PEX5L: variants seen among roughly 807,000 people sequenced by gnomAD.
PEX5L encodes the protein PEX5-related protein.
A neutral mutation model predicts 84.0 loss-of-function variants in PEX5L; 30 were observed. The ratio of observed to expected loss-of-function variants is 0.36; its 90% CI spans 0.27 to 0.48. The LOEUF is 0.48. PEX5L is among the 20% of genes least tolerant of loss of function. PEX5L has a pLI of 0.99. For missense variants in PEX5L, 533 were observed against 754.6 expected (o/e 0.71, Z 3.44); for synonymous variants, 270 against 283.1 (o/e 0.95, Z 0.46).
At chr3:179,885,084 G>A (rs1414935212) in intron 4 of PEX5L, among the ~76,000 whole-genome samples, 1 of 151,996 alleles carries the variant, frequency 6.6e-6, no homozygotes, top group East Asian at 1.9e-4. Context: ...TCAAATAAGA[G>A]TCTTTCTTCA....
intron 7 of PEX5L, among the ~76,000 whole-genome samples, chr3:179,867,005 G>A (rs1448718291): frequency 7.9e-6 from 1 of 127,028 alleles, no homozygotes; most frequent in Non-Finnish European, 1.6e-5. Context: ...CAGCCTGGGT[G>A]ACAGAGCAAG....
chr3:179,872,449 T>G (rs1750705646), intron 7 of PEX5L, among the ~76,000 whole-genome samples: 1 of 152,240 alleles, frequency 6.6e-6, no homozygotes, highest in Non-Finnish European at 1.5e-5. Flanking sequence ...CTAAAAGGAT[T>G]CATTAAGATT....
At chr3:180,029,350 G>A (rs755589103) in intron 1 of PEX5L, among the ~76,000 whole-genome samples, 1 of 151,894 alleles carries the variant, frequency 6.6e-6, no homozygotes, top group Non-Finnish European at 1.5e-5. Flanking sequence ...CAAACGAATT[G>A]TTTTGAGAAC....
intron 2 of PEX5L, among the ~76,000 whole-genome samples, chr3:179,944,491 A>G (rs1776988115): frequency 6.6e-6 from 1 of 152,222 alleles, no homozygotes. Context: ...CGAGGAATAA[A>G]CGAAATGCCT....
intron 1 of PEX5L, among the ~76,000 whole-genome samples, chr3:179,980,320 T>C (rs576883233): frequency 1.4e-5 from 2 of 147,876 alleles, no homozygotes; most frequent in Middle Eastern, 3.5e-3. Flanking sequence ...ATTATTATTA[T>C]TATTTAGATT....
chr3:179,855,446 G>A (rs1743565801), intron 8 of PEX5L, among the ~76,000 whole-genome samples: 1 of 152,128 alleles, frequency 6.6e-6, no homozygotes, highest in Non-Finnish European at 1.5e-5. Context: ...TAGTGTCCAT[G>A]ACTTACAACT....
At chr3:179,809,400 T>C in intron 12 of PEX5L, 71 bp downstream of exon 12, 3 of 1,127,032 alleles carry the variant, frequency 2.7e-6, no homozygotes, top group Non-Finnish European at 4.1e-6. Flanking sequence ...TGAGGCTCAT[T>C]AGTTGCCCTT....
At chr3:179,814,507 C>T (rs1725276032) in intron 10 of PEX5L, among the ~76,000 whole-genome samples, 1 of 152,188 alleles carries the variant, frequency 6.6e-6, no homozygotes, top group Non-Finnish European at 1.5e-5. Flanking sequence ...AACCACTATT[C>T]TACATTGCAT....
chr3:179,989,550 GTAT>G (rs1460016427), intron 1 of PEX5L, among the ~76,000 whole-genome samples: 4 of 151,994 alleles, frequency 2.6e-5, no homozygotes, highest in Non-Finnish European at 5.9e-5. Flanking sequence ...ATGCTTAAAA[GTAT>G]TATTTTCCTT....
chr3:179,953,928 A>AAAG (rs1779781965), intron 2 of PEX5L, among the ~76,000 whole-genome samples: 1 of 152,208 alleles, frequency 6.6e-6, no homozygotes, highest in East Asian at 1.9e-4. Flanking sequence ...AATGAAGCTA[A>AAAG]AAGTTAGCAA....
chr3:179,842,054 A>C lies in PEX5L; in HGVS notation c.822+17008T>G, dbSNP rs192453691. ...GAAAATACTCCAAAGGTCCTGTAAA[A>C]ATCATGAAGTGGTCCAACAAACTGG... On this transcript the variant is annotated intron_variant, in intron 8 of 14. Transcript: ENST00000467460. Among the ~76,000 whole-genome samples the C allele has an allele frequency of 4.6e-5, 7 of 152,350 alleles. No homozygotes were observed. In the East Asian group the frequency reaches 1.3e-3, roughly 29 times the overall value.
intron 8 of PEX5L, among the ~76,000 whole-genome samples, chr3:179,821,049 A>G (rs1728328591): frequency 6.6e-6 from 1 of 152,190 alleles, no homozygotes; most frequent in Non-Finnish European, 1.5e-5. Context: ...GTGAATTTCA[A>G]GGAACCACTT....
At chr3:179,889,332 C>T (rs1756911648) in intron 3 of PEX5L, among the ~76,000 whole-genome samples, 1 of 152,120 alleles carries the variant, frequency 6.6e-6, no homozygotes, top group African/African-American at 2.4e-5. Flanking sequence ...TATGGAAGCA[C>T]TTAGTGGTCT....
intron 2 of PEX5L, among the ~76,000 whole-genome samples, chr3:179,956,690 G>C (rs768012479): frequency 6.6e-6 from 1 of 152,188 alleles, no homozygotes. Flanking sequence ...GCTGTGGTCA[G>C]CCTCAGGAAA....
chr3:179,807,564 G>T, intron 14 of PEX5L, 110 bp downstream of exon 14: 1 of 985,880 alleles, frequency 1.0e-6, no homozygotes, highest in Non-Finnish European at 1.5e-6. Context: ...AACGGCAGGA[G>T]GAGGAATACT....
At chr3:179,998,300 T>C (rs55829880) in intron 1 of PEX5L, among the ~76,000 whole-genome samples, 19,388 of 152,176 alleles carry the variant, frequency 0.13, 1,368 homozygotes, top group African/African-American at 0.19. Context: ...CTCAGGCCCA[T>C]TGATTAAGTA....
chr3:180,010,006 C>T (rs555506681), intron 1 of PEX5L, among the ~76,000 whole-genome samples: 1 of 151,934 alleles, frequency 6.6e-6, no homozygotes, highest in Non-Finnish European at 1.5e-5. Flanking sequence ...TGCAGTGGCG[C>T]GATCTCGACA....
chr3:179,858,746 G>T (rs1020652933), intron 8 of PEX5L, among the ~76,000 whole-genome samples: 4 of 152,086 alleles, frequency 2.6e-5, no homozygotes, highest in Non-Finnish European at 5.9e-5. Flanking sequence ...CCATAGCATT[G>T]GTTCACCATA....
chr3:179,990,370 A>G lies in PEX5L; in HGVS notation c.22-18705T>C, dbSNP rs559354471. Among the ~76,000 whole-genome samples, 17 of 151,338 alleles carry G rather than the reference A, an allele frequency of 1.1e-4. No individual in the cohort carries two copies. The South Asian group carries it at 3.1e-3, about 28-fold the overall frequency. On this transcript the variant is annotated intron_variant, in intron 1 of 14. Transcript: ENST00000467460. ...CATGAAATTCCTTTCATTAGCTCCTATTTCTCCTCACGGTATGTCATTCTG... is the reference window on the plus strand; with the variant it reads ...CATGAAATTCCTTTCATTAGCTCCTGTTTCTCCTCACGGTATGTCATTCTG...
Sources: gnomAD v4.1 joint callset for allele counts (sites outside exome capture counted in the v4.1 genomes callset) on GRCh38, gnomAD v4.1.1 for gene constraint, MANE v1.5 for transcripts, NCBI Gene and HGNC (gene_info 2026-07-23, HGNC 2026-07-21) for gene names.